Variants in BNC2 observed in about 807,000 individuals in gnomAD.
BNC2 encodes basonuclin zinc finger protein 2.
BNC2 carries 20 observed loss-of-function variants against 76.3 expected under a neutral mutation model. That is an observed-to-expected ratio of 0.26 (90% CI 0.18 to 0.38). BNC2 has a LOEUF of 0.38. BNC2 is among the 10% of genes least tolerant of loss of function. The probability of loss-of-function intolerance (pLI) is 1.00; values close to 1 mark genes in which losing one functional copy is unlikely to be tolerated. For missense variants in BNC2, 1,382 were observed against 1,399.8 expected (o/e 0.99, Z 0.20); for synonymous variants, 582 against 514.8 (o/e 1.13, Z -1.77).
At chr9:16,750,537 G>C (rs952472218) in intron 1 of BNC2, among the ~76,000 whole-genome samples, 1 of 152,112 alleles carries the variant, frequency 6.6e-6, no homozygotes, top group Non-Finnish European at 1.5e-5. Context: ...GATGCGAATG[G>C]GCATCCCTCC....
Position 16,418,872 on chromosome 9 carries a change from T to TGCAC in BNC2, c.*113_*116dup, listed in dbSNP as rs1554629126. ...TATGTAGCCACAGAGCATACATAAA[T>TGCAC]GCACACACACACACACACACACACA... On this transcript the variant is annotated 3_prime_UTR_variant, in exon 7 of 7. Coordinates refer to ENST00000380672, the MANE Select transcript of BNC2 (RefSeq NM_017637.6). 40 of 519,456 alleles carry TGCAC rather than the reference T, an allele frequency of 7.7e-5. No homozygotes were observed. Among genetic ancestry groups the TGCAC allele is most frequent in the Non-Finnish European group, 9.1e-5 (33 of 364,588 alleles). 32.2% of individuals were successfully genotyped at this position (519,456 alleles called of 1,614,324 possible). A position where few individuals can be genotyped will look rare whatever the true frequency, so the allele number is the denominator to read the frequency against.
chr9:16,484,526 C>T (rs1436802542), intron 5 of BNC2, among the ~76,000 whole-genome samples: 1 of 152,184 alleles, frequency 6.6e-6, no homozygotes, highest in East Asian at 1.9e-4. Flanking sequence ...CTCAAAACAA[C>T]TCTGAATGTC....
chr9:16,526,718 A>G (rs1817815656), intron 5 of BNC2, among the ~76,000 whole-genome samples: 1 of 152,102 alleles, frequency 6.6e-6, no homozygotes. Flanking sequence ...TATGACCATG[A>G]TATGTCAATG....
intron 1 of BNC2, among the ~76,000 whole-genome samples, chr9:16,835,214 A>G (rs182681525): frequency 1.6e-3 from 242 of 152,358 alleles, no homozygotes; most frequent in African/African-American, 5.6e-3. Context: ...CTGCATGTCA[A>G]AATAGTTTAA....
chr9:16,796,591 G>C (rs1209957506), intron 1 of BNC2, among the ~76,000 whole-genome samples: 1 of 138,704 alleles, frequency 7.2e-6, no homozygotes, highest in Non-Finnish European at 1.6e-5. Flanking sequence ...AGAAAGAAAA[G>C]GAAAGGAAGG....
chr9:16,513,100 A>G (rs1822797364), intron 5 of BNC2, among the ~76,000 whole-genome samples: 1 of 152,132 alleles, frequency 6.6e-6, no homozygotes, highest in African/African-American at 2.4e-5. Flanking sequence ...AGTGCACTCC[A>G]GCCTGGGTGA....
In BNC2 at chr9:16,506,513, C is replaced by CTTTTTTTTT. The variant is rs568955982; in HGVS notation, c.669+46008_669+46016dup. 3.6e-3 allele frequency among the ~76,000 whole-genome samples: 158 copies of CTTTTTTTTT among 43,322 alleles called. 30 individuals carry two copies. The highest frequency in any genetic ancestry group is 0.012 in the African/African-American group (153 of 12,386). The allele number at this position is 43,322 out of a possible 152,430, so 28.4% of individuals were successfully genotyped here. A position where few individuals can be genotyped will look rare whatever the true frequency, so the allele number is the denominator to read the frequency against. ...GTACACTTCTCTCTCTCTCTCTCCT[C>CTTTTTTTTT]TTTTTTTTTTTTTTTTTTTTTTTTT... On this transcript the variant is annotated intron_variant, in intron 5 of 6. Coordinates refer to ENST00000380672, the MANE Select transcript of BNC2 (RefSeq NM_017637.6).
chr9:16,657,416 T>C (rs1344368619), intron 3 of BNC2, among the ~76,000 whole-genome samples: 1 of 152,142 alleles, frequency 6.6e-6, no homozygotes, highest in Non-Finnish European at 1.5e-5. Flanking sequence ...GCTTCTACAA[T>C]ATGCTTCAGA....
intron 1 of BNC2, among the ~76,000 whole-genome samples, chr9:16,776,607 G>C (rs1180601650): frequency 6.6e-6 from 1 of 152,124 alleles, no homozygotes; most frequent in Non-Finnish European, 1.5e-5. Flanking sequence ...CCAATTAATT[G>C]TAAAGACGTA....
At chr9:16,690,034 T>C (rs753480184) in intron 3 of BNC2, among the ~76,000 whole-genome samples, 1 of 152,158 alleles carries the variant, frequency 6.6e-6, no homozygotes, top group African/African-American at 2.4e-5. Context: ...TGCAGTTAAA[T>C]TATATCTCCA....
intron 3 of BNC2, among the ~76,000 whole-genome samples, chr9:16,684,374 T>C (rs1451305463): frequency 1.3e-5 from 2 of 152,184 alleles, no homozygotes; most frequent in African/African-American, 4.8e-5. Flanking sequence ...TTTTCTGTTG[T>C]ATCACAGACA....
At chr9:16,589,714 T>C (rs893870422) in intron 3 of BNC2, among the ~76,000 whole-genome samples, 14 of 152,068 alleles carry the variant, frequency 9.2e-5, no homozygotes, top group African/African-American at 2.9e-4. Context: ...TTCACCATGT[T>C]GGTCAGGCTG....
At chr9:16,856,787 G>C (rs1373114759) in intron 1 of BNC2, among the ~76,000 whole-genome samples, 1 of 152,156 alleles carries the variant, frequency 6.6e-6, no homozygotes, top group East Asian at 1.9e-4. Context: ...AGAAAGATCT[G>C]AACTATCACA....
intron 1 of BNC2, among the ~76,000 whole-genome samples, chr9:16,866,214 A>G (rs752397482): frequency 1.2e-4 from 19 of 152,198 alleles, no homozygotes; most frequent in Non-Finnish European, 2.4e-4. Flanking sequence ...ATTGAATGTA[A>G]TATCATTTAA....
intron 1 of BNC2, among the ~76,000 whole-genome samples, chr9:16,800,858 T>G (rs189129853): frequency 5.9e-5 from 9 of 152,290 alleles, no homozygotes; most frequent in African/African-American, 2.2e-4. Flanking sequence ...TCTAAGATAG[T>G]TGTCTTTCTC....
chr9:16,444,073 C>T (rs575210397), intron 5 of BNC2, among the ~76,000 whole-genome samples: 151 of 152,326 alleles, frequency 9.9e-4, no homozygotes, highest in African/African-American at 3.6e-3. Context: ...AGCCACCTTA[C>T]TCCTTTCCTC....
chr9:16,443,610 G>A (rs1011617707), intron 5 of BNC2, among the ~76,000 whole-genome samples: 1 of 152,040 alleles, frequency 6.6e-6, no homozygotes, highest in African/African-American at 2.4e-5. Flanking sequence ...AGATGTTCAA[G>A]TCTTAGGGGT....
intron 3 of BNC2, among the ~76,000 whole-genome samples, chr9:16,688,579 T>C (rs982366041): frequency 6.6e-6 from 1 of 152,220 alleles, no homozygotes; most frequent in African/African-American, 2.4e-5. Context: ...TAGTACAAAG[T>C]TCTACAAAGA....
chr9:16,634,123 C>T (rs1272093252), intron 3 of BNC2, among the ~76,000 whole-genome samples: 1 of 152,180 alleles, frequency 6.6e-6, no homozygotes, highest in Non-Finnish European at 1.5e-5. Flanking sequence ...CGTGTTCTGA[C>T]AGGACTATTT....
Sources: allele counts gnomAD v4.1 joint callset (sites outside exome capture counted in the v4.1 genomes callset), GRCh38; gene constraint gnomAD v4.1.1; transcripts MANE v1.5; gene names NCBI Gene and HGNC (gene_info 2026-07-23, HGNC 2026-07-21).